Variants in FHIT observed in about 807,000 individuals in gnomAD.
FHIT encodes fragile histidine triad diadenosine triphosphatase, also known as bis(5'-adenosyl)-triphosphatase.
A neutral mutation model predicts 17.9 loss-of-function variants in FHIT; 19 were observed. The observed-to-expected ratio is 1.06, with a 90% confidence interval of 0.74 to 1.56. The LOEUF (loss-of-function observed/expected upper bound fraction) is 1.56, where lower values mean the gene tolerates loss of function less well. Among genes scored for constraint, FHIT ranks in the 40% most tolerant of loss-of-function variants. FHIT has a pLI of 0.00. For missense variants in FHIT, 248 were observed against 189.2 expected, an observed-to-expected ratio of 1.31 and a Z score of -1.82; for synonymous variants, 81 against 69.7, an observed-to-expected ratio of 1.16 and a Z score of -0.81.
chr3:60,245,892 ACAAAAC>A (rs1270688572), intron 5 of FHIT, among the ~76,000 whole-genome samples: 2 of 152,102 alleles, frequency 1.3e-5, no homozygotes, highest in Non-Finnish European at 2.9e-5. Flanking sequence ...ATTTTATGTG[ACAAAAC>A]CAAAACAAGC....
chr3:60,988,071 T>A (rs1430778607), intron 3 of FHIT, among the ~76,000 whole-genome samples: 1 of 152,226 alleles, frequency 6.6e-6, no homozygotes, highest in Non-Finnish European at 1.5e-5. Flanking sequence ...AATGTCACCT[T>A]GTACTATCAA....
intron 1 of FHIT, among the ~76,000 whole-genome samples, chr3:61,218,931 T>A (rs2039759931): frequency 6.6e-6 from 1 of 152,160 alleles, no homozygotes; most frequent in South Asian, 2.1e-4. Context: ...TGTCACTTAG[T>A]AATGGGAGTA....
chr3:61,129,465 A>G (rs1226313428), intron 2 of FHIT, among the ~76,000 whole-genome samples: 2 of 152,214 alleles, frequency 1.3e-5, no homozygotes, highest in Non-Finnish European at 2.9e-5. Context: ...GGTTGAACTC[A>G]GGAATGAATG....
At chr3:60,884,493 A>T (rs1553758801) in intron 3 of FHIT, among the ~76,000 whole-genome samples, 1 of 152,222 alleles carries the variant, frequency 6.6e-6, no homozygotes, top group Non-Finnish European at 1.5e-5. Flanking sequence ...TGAAAAGATA[A>T]AGAAAATGTG....
At chr3:61,014,807 A>AAAAAAAAT (rs1553798839) in intron 3 of FHIT, among the ~76,000 whole-genome samples, 11 of 49,114 alleles carry the variant, frequency 2.2e-4, no homozygotes, top group African/African-American at 5.9e-4. Flanking sequence ...AAAAAAAAAA[A>AAAAAAAAT]ATATATATAT....
chr3:61,197,641 T>C (rs1019122572), intron 2 of FHIT, among the ~76,000 whole-genome samples: 1 of 152,176 alleles, frequency 6.6e-6, no homozygotes, highest in African/African-American at 2.4e-5. Context: ...TTACACATCA[T>C]TGAAAAGAAG....
chr3:59,802,282 T>G (rs1700026889), intron 8 of FHIT, among the ~76,000 whole-genome samples: 1 of 152,178 alleles, frequency 6.6e-6, no homozygotes, highest in African/African-American at 2.4e-5. Flanking sequence ...CTGTGTGTGC[T>G]CTAGTTCCCA....
At chr3:61,124,720 T>C (rs531446744) in intron 2 of FHIT, among the ~76,000 whole-genome samples, 1 of 152,312 alleles carries the variant, frequency 6.6e-6, no homozygotes, top group African/African-American at 2.4e-5. Context: ...TAAGTATTAC[T>C]TCTTTTAAGT....
chr3:60,981,579 A>C (rs1457486580), intron 3 of FHIT, among the ~76,000 whole-genome samples: 2 of 151,180 alleles, frequency 1.3e-5, no homozygotes, highest in Non-Finnish European at 3.0e-5. Flanking sequence ...CCAAAGTGCT[A>C]GGATTACAGG....
At chr3:60,007,612 C>T (rs899238657) in intron 7 of FHIT, among the ~76,000 whole-genome samples, 4 of 152,128 alleles carry the variant, frequency 2.6e-5, no homozygotes, top group South Asian at 2.1e-4. Flanking sequence ...TACAGATTAA[C>T]GAGAGGAAAG....
intron 8 of FHIT, among the ~76,000 whole-genome samples, chr3:59,901,515 T>G (rs1704329407): frequency 6.6e-6 from 1 of 152,186 alleles, no homozygotes; most frequent in South Asian, 2.1e-4. Context: ...AAGGGGCATG[T>G]GGGAAGATGC....
intron 3 of FHIT, among the ~76,000 whole-genome samples, chr3:60,955,475 A>G (rs2107472996): frequency 6.6e-6 from 1 of 152,018 alleles, no homozygotes; most frequent in South Asian, 2.1e-4. Flanking sequence ...AGTTCTATGT[A>G]TGCCATGATG....
chr3:59,799,441 CCT>C (rs1699908306), intron 8 of FHIT, among the ~76,000 whole-genome samples: 1 of 152,222 alleles, frequency 6.6e-6, no homozygotes, highest in East Asian at 1.9e-4. Context: ...CTGAAACTCC[CCT>C]AACAGGGATG....
At chr3:60,209,135 T>C (rs1430853587) in intron 5 of FHIT, among the ~76,000 whole-genome samples, 4 of 152,186 alleles carry the variant, frequency 2.6e-5, no homozygotes, top group African/African-American at 9.6e-5. Context: ...ATTTACCCAA[T>C]GTATTCAGGC....
At chr3:60,930,657 A>G (rs1223782085) in intron 3 of FHIT, among the ~76,000 whole-genome samples, 9 of 152,214 alleles carry the variant, frequency 5.9e-5, no homozygotes, top group African/African-American at 9.6e-5. Context: ...AATCAAAACC[A>G]CAATGAGATA....
chr3:59,958,543 TAAC>T (rs1707515044), intron 7 of FHIT, among the ~76,000 whole-genome samples: 1 of 152,158 alleles, frequency 6.6e-6, no homozygotes, highest in South Asian at 2.1e-4. Context: ...TAAGGGAAGA[TAAC>T]AAAATCAGGA....
At chr3:60,828,917 T>C (rs1443138083) in intron 3 of FHIT, among the ~76,000 whole-genome samples, 1 of 151,762 alleles carries the variant, frequency 6.6e-6, no homozygotes, top group East Asian at 1.9e-4. Context: ...AAGGAGCAGA[T>C]CACTCTAAGA....
chr3:60,029,879 T>TAGTGTGTGTGTGTGTGTG (rs1553655670), intron 5 of FHIT, among the ~76,000 whole-genome samples: 122 of 131,472 alleles, frequency 9.3e-4, no homozygotes, highest in African/African-American at 3.3e-3. Flanking sequence ...CATAGAAGCA[T>TAGTGTGTGTGTGTGTGTG]TGTGTGTGTG....
intron 2 of FHIT, among the ~76,000 whole-genome samples, chr3:61,048,313 T>C (rs1238090782): frequency 8.6e-5 from 13 of 151,660 alleles, no homozygotes; most frequent in South Asian, 2.1e-4. Context: ...AAAAAGTGGG[T>C]GAAGGATATG....
Sources: allele counts gnomAD v4.1 joint callset (sites outside exome capture counted in the v4.1 genomes callset), GRCh38; gene constraint gnomAD v4.1.1; transcripts MANE v1.5; gene names NCBI Gene and HGNC (gene_info 2026-07-23, HGNC 2026-07-21).